The following OTULINL variants were observed in gnomAD, a reference collection of about 807,000 sequenced individuals.
OTULINL encodes OTU deubiquitinase with linear linkage specificity like, also known as inactive ubiquitin thioesterase OTULINL.
Under a neutral mutation model 43.9 loss-of-function variants are expected in OTULINL, and 42 were observed. The ratio of observed to expected loss-of-function variants is 0.96; its 90% CI spans 0.75 to 1.24. The LOEUF is 1.24. OTULINL is among the 50% of genes most tolerant of loss of function. The probability of loss-of-function intolerance (pLI) is 0.00; values close to 1 mark genes in which losing one functional copy is unlikely to be tolerated. For synonymous variants in OTULINL, 172 were observed against 153.6 expected (o/e 1.12, Z -0.88); for missense variants, 411 against 426.4 (o/e 0.96, Z 0.32).
At chr5:14,597,647 C>T (rs889262856) in intron 1 of OTULINL, among the ~76,000 whole-genome samples, 2 of 152,236 alleles carry the variant, frequency 1.3e-5, no homozygotes, top group African/African-American at 4.8e-5. Context: ...AAGGCTCACT[C>T]CTAATGTCAT....
At chr5:14,591,650 T>C (rs1197410610) in intron 1 of OTULINL, among the ~76,000 whole-genome samples, 1 of 152,082 alleles carries the variant, frequency 6.6e-6, no homozygotes, top group Non-Finnish European at 1.5e-5. Flanking sequence ...GGCCCTCTCT[T>C]CCCTTCAGAA....
chr5:14,607,753 A>G (rs1759507727), intron 6 of OTULINL, among the ~76,000 whole-genome samples: 2 of 152,192 alleles, frequency 1.3e-5, no homozygotes, highest in Admixed American at 6.5e-5. Context: ...AATGTGGTGC[A>G]AGTCCAGGCA....
chr5:14,612,964 T>C lies in OTULINL; in HGVS notation c.*2650T>C, dbSNP rs931518962. 1.3e-5 allele frequency among the ~76,000 whole-genome samples: 2 copies of C among 152,032 alleles called. No individual in the cohort carries two copies. The highest frequency in any genetic ancestry group is 2.9e-5 in the Non-Finnish European group (2 of 68,010). ...TGAGACGGAGTTTCACTCTTTTTGC[T>C]CAGGCTGCAGTGCAGTGGCACAATC... is the stretch of plus-strand genomic sequence containing the variant. On this transcript the variant is annotated 3_prime_UTR_variant, in exon 8 of 8. Coordinates refer to ENST00000274217, the MANE Select transcript of OTULINL (RefSeq NM_019018.3).
chr5:14,602,911 A>G (rs995216156), intron 5 of OTULINL, among the ~76,000 whole-genome samples: 1 of 152,152 alleles, frequency 6.6e-6, no homozygotes, highest in African/African-American at 2.4e-5. Context: ...TTTTTACTCT[A>G]TAGTTAATGA....
chr5:14,596,636 C>G (rs1759292831), intron 1 of OTULINL, among the ~76,000 whole-genome samples: 1 of 152,130 alleles, frequency 6.6e-6, no homozygotes, highest in Admixed American at 6.5e-5. Context: ...AGAAGCAGGA[C>G]AGCCAAGTGG....
At chr5:14,607,515 G>C (rs1560967831) in intron 6 of OTULINL, 57 bp downstream of exon 6, 5 of 1,598,788 alleles carry the variant, frequency 3.1e-6, no homozygotes, top group South Asian at 2.3e-5. Flanking sequence ...ATCCCAGATA[G>C]AGCCAGTTTT....
intron 1 of OTULINL, among the ~76,000 whole-genome samples, chr5:14,585,642 G>C (rs915640956): frequency 1.3e-5 from 2 of 152,154 alleles, no homozygotes; most frequent in Non-Finnish European, 2.9e-5. Context: ...GTTGGCATTT[G>C]GATTTTCTTT....
At chr5:14,602,675 G>A (rs755934566) in intron 5 of OTULINL, among the ~76,000 whole-genome samples, 17 of 152,108 alleles carry the variant, frequency 1.1e-4, no homozygotes, top group Admixed American at 2.0e-4. Context: ...GGCTCAAGCA[G>A]TCTGTCCACT....
In OTULINL at chr5:14,614,949, A is replaced by G. The variant is rs1219104628; in HGVS notation, c.*4635A>G. ...GAGAGTCACTCACTTATTTGTAATG[A>G]TTCTTGGGAAGTTTAGTCAAGAGAA... On this transcript the variant is annotated 3_prime_UTR_variant, in exon 8 of 8. Coordinates refer to ENST00000274217, the MANE Select transcript of OTULINL (RefSeq NM_019018.3). 1 of 394,662 alleles carries G rather than the reference A, an allele frequency of 2.5e-6. No homozygotes were observed. Among genetic ancestry groups the G allele is most frequent in the Non-Finnish European group, 4.5e-6 (1 of 224,232 alleles). 24.4% of individuals were successfully genotyped at this position (394,662 alleles called of 1,614,324 possible). A position where few individuals can be genotyped will look rare whatever the true frequency, so the allele number is the denominator to read the frequency against.
intron 1 of OTULINL, among the ~76,000 whole-genome samples, chr5:14,592,817 C>T (rs931463844): frequency 4.6e-5 from 7 of 152,186 alleles, no homozygotes; most frequent in African/African-American, 1.7e-4. Flanking sequence ...TCAGAGCCTT[C>T]CCTTGCTCTT....
At position 14,610,871 on chromosome 5, in the gene OTULINL, C is replaced by T. The variant is rs987744897; in HGVS notation, c.*557C>T. 6 of 152,906 alleles carry T rather than the reference C, an allele frequency of 3.9e-5. 1 individual carries two copies. Among genetic ancestry groups the T allele is most frequent in the Admixed American group, 6.5e-5 (1 of 15,392 alleles). The allele number at this position is 152,906 out of a possible 1,614,324, so 9.5% of individuals were successfully genotyped here. A position where few individuals can be genotyped will look rare whatever the true frequency, so the allele number is the denominator to read the frequency against. Reference sequence around the variant, plus strand: ...ATACATATGTATGTTTATATACACACATGTATCTGTATAGTTTTATATATA... The same window carrying T: ...ATACATATGTATGTTTATATACACATATGTATCTGTATAGTTTTATATATA... On this transcript the variant is annotated 3_prime_UTR_variant, in exon 8 of 8. Coordinates refer to ENST00000274217, the MANE Select transcript of OTULINL (RefSeq NM_019018.3).
Position 14,591,514 on chromosome 5 carries a change from A to T in OTULINL, c.65-9451A>T, listed in dbSNP as rs539535100. 3.3e-5 allele frequency among the ~76,000 whole-genome samples: 5 copies of T among 152,154 alleles called. No individual in the cohort carries two copies. In the South Asian group the frequency reaches 8.3e-4, roughly 25 times the overall value. ...GGGGCTGAGCTGGGCATGCCATTTT[A>T]AAAAAATCTGCCACTCAGATCAATC... is the stretch of plus-strand genomic sequence containing the variant. On this transcript the variant is annotated intron_variant, in intron 1 of 7. Coordinates refer to ENST00000274217, the MANE Select transcript of OTULINL (RefSeq NM_019018.3).
chr5:14,581,857 C>T lies in OTULINL; in HGVS notation c.-38C>T, dbSNP rs1026613061. ...GCGTCTGACAGACCACTGCAGACCA[C>T]GGGCCGAGGCCCAGCGCCCGTCCGC... On this transcript the variant is annotated 5_prime_UTR_variant, in exon 1 of 8. In the 5' UTR this introduces an upstream ATG that the reference lacks. Transcript: ENST00000274217. The T allele has an allele frequency of 2.2e-5, 31 of 1,382,370 alleles. No homozygotes were observed. In the African/African-American group the frequency reaches 4.1e-4, roughly 18 times the overall value. The allele number at this position is 1,382,370 out of a possible 1,614,324, so 85.6% of individuals were successfully genotyped here.
At chr5:14,589,285 A>G (rs1261516531) in intron 1 of OTULINL, among the ~76,000 whole-genome samples, 2 of 152,124 alleles carry the variant, frequency 1.3e-5, no homozygotes, top group African/African-American at 4.8e-5. Flanking sequence ...GGAAACAGAG[A>G]AGTGATGTTT....
intron 1 of OTULINL, among the ~76,000 whole-genome samples, chr5:14,595,640 C>CTTTTTTTTTTTTTTTTTT (rs61482298): frequency 8.8e-5 from 5 of 57,112 alleles, no homozygotes; most frequent in East Asian, 7.4e-4. Flanking sequence ...AAAAACGGTG[C>CTTTTTTTTTTTTTTTTTT]TTTTTTTTTT....
At position 14,615,039 on chromosome 5, in the gene OTULINL, C is replaced by T; in HGVS notation, c.*4725C>T. On this transcript the variant is annotated 3_prime_UTR_variant, in exon 8 of 8. Coordinates refer to ENST00000274217, the MANE Select transcript of OTULINL (RefSeq NM_019018.3). ...TCGTAGTCTAGATGGGCTGTAAAAC[C>T]CATTTCCACACGAGTATAAATTTAA... The T allele has an allele frequency of 3.3e-6, 1 of 307,236 alleles. No homozygotes were observed. The highest frequency in any genetic ancestry group is 5.9e-6 in the Non-Finnish European group (1 of 169,038). 19.0% of individuals were successfully genotyped at this position (307,236 alleles called of 1,614,324 possible).
chr5:14,599,361 GCCTGTAATCCCAGC>G (rs1560964237), intron 1 of OTULINL, among the ~76,000 whole-genome samples: 2 of 152,226 alleles, frequency 1.3e-5, no homozygotes, highest in East Asian at 3.9e-4. Context: ...GGTGGTGCAT[GCCTGTAATCCCAGC>G]AACTGGGGAG....
At chr5:14,595,640 C>CTTTT (rs61482298) in intron 1 of OTULINL, among the ~76,000 whole-genome samples, 1 of 57,094 alleles carries the variant, frequency 1.8e-5, no homozygotes, top group African/African-American at 6.3e-5. Flanking sequence ...AAAAACGGTG[C>CTTTT]TTTTTTTTTT....
Position 14,613,542 on chromosome 5 carries a change from A to G in OTULINL, c.*3228A>G, listed in dbSNP as rs1363503210. On this transcript the variant is annotated 3_prime_UTR_variant, in exon 8 of 8. Coordinates refer to ENST00000274217, the MANE Select transcript of OTULINL (RefSeq NM_019018.3). ...TTAGTACAACCTAAGAGGGAGTTAA[A>G]TGGATCAGGAAAATCGTGTTTTATC... 6.6e-6 allele frequency among the ~76,000 whole-genome samples: 1 copy of G among 152,218 alleles called. No homozygotes were observed. The highest frequency in any genetic ancestry group is 2.4e-5 in the African/African-American group (1 of 41,458).
Sources: gnomAD v4.1 joint callset for allele counts (sites outside exome capture counted in the v4.1 genomes callset) on GRCh38, gnomAD v4.1.1 for gene constraint, MANE v1.5 for transcripts, NCBI Gene and HGNC (gene_info 2026-07-23, HGNC 2026-07-21) for gene names.